The following PDE3A variants were observed in gnomAD, a reference collection of about 807,000 sequenced individuals.
PDE3A encodes phosphodiesterase 3A.
In PDE3A, 43 loss-of-function variants were observed where a neutral mutation model predicts 98.3. That is an observed-to-expected ratio of 0.44 (90% CI 0.34 to 0.56). PDE3A has a LOEUF of 0.56. PDE3A is among the 20% of genes least tolerant of loss of function. The pLI is 0.01. For missense variants in PDE3A, 1,427 were observed against 1,440.7 expected, an observed-to-expected ratio of 0.99 and a Z score of 0.15; for synonymous variants, 663 against 567.9, an observed-to-expected ratio of 1.17 and a Z score of -2.38.
intron 1 of PDE3A, among the ~76,000 whole-genome samples, chr12:20,454,872 T>C (rs1054362914): frequency 2.5e-4 from 38 of 152,212 alleles, no homozygotes; most frequent in African/African-American, 9.6e-5. Context: ...CAGTCTACCA[T>C]TGATGGGCAT....
At chr12:20,673,099 A>T (rs1367076658) in intron 15 of PDE3A, among the ~76,000 whole-genome samples, 3 of 151,978 alleles carry the variant, frequency 2.0e-5, no homozygotes, top group African/African-American at 4.8e-5. Flanking sequence ...ACATGAAAAA[A>T]TGCTCATCAT....
At chr12:20,376,978 T>C (rs1300957619) in intron 1 of PDE3A, among the ~76,000 whole-genome samples, 2 of 151,830 alleles carry the variant, frequency 1.3e-5, no homozygotes, top group Non-Finnish European at 2.9e-5. Context: ...CCTGCTAACA[T>C]AATAATAATA....
At chr12:20,567,279 T>C (rs1019181902) in intron 2 of PDE3A, among the ~76,000 whole-genome samples, 6 of 152,020 alleles carry the variant, frequency 3.9e-5, no homozygotes, top group African/African-American at 1.4e-4. Context: ...GGAAATCTGT[T>C]AATCCATAAT....
intron 2 of PDE3A, among the ~76,000 whole-genome samples, chr12:20,558,771 A>T (rs1052938601): frequency 6.6e-6 from 1 of 151,924 alleles, no homozygotes; most frequent in South Asian, 2.1e-4. Flanking sequence ...TATTGCTATT[A>T]TCTCCTTGGT....
intron 1 of PDE3A, among the ~76,000 whole-genome samples, chr12:20,383,151 A>G (rs537679392): frequency 6.6e-6 from 1 of 151,892 alleles, no homozygotes; most frequent in African/African-American, 2.4e-5. Flanking sequence ...CGTAAAAATG[A>G]TGCTTTTGAG....
At chr12:20,561,534 GA>G (rs1372255627) in intron 2 of PDE3A, among the ~76,000 whole-genome samples, 1 of 152,134 alleles carries the variant, frequency 6.6e-6, no homozygotes, top group Non-Finnish European at 1.5e-5. Flanking sequence ...ATTTTACTTT[GA>G]TTCGCAAAAC....
Position 20,369,316 on chromosome 12 carries a change from G to A in PDE3A, c.32G>A (p.Arg11Lys). Residue 11 changes from arginine to lysine, a missense_variant, in exon 1 of 16, where the codon AGG becomes AAG. Coordinates refer to ENST00000359062, the MANE Select transcript of PDE3A (RefSeq NM_000921.5). ...GTGCCCGGCGACGCTGCACGAGTCA[G>A]GGACAAGCCCGTCCACAGTGGGGTG... The part of the protein sequence containing the change: MAVPGDAARV[R>K]DKPVHSGVSQ... The A allele has an allele frequency of 6.5e-7, 1 of 1,543,472 alleles. No individual in the cohort carries two copies. Among genetic ancestry groups the A allele is most frequent in the Non-Finnish European group, 8.7e-7 (1 of 1,143,114 alleles).
chr12:20,377,376 T>TA (rs897232336), intron 1 of PDE3A, among the ~76,000 whole-genome samples: 4 of 151,630 alleles, frequency 2.6e-5, no homozygotes, highest in African/African-American at 4.8e-5. Flanking sequence ...GTAATCGGTG[T>TA]AAAAAAAATG....
rs370725569 is a variant in PDE3A at position 20,391,368 on chromosome 12, C to CATAT, written c.960+21142_960+21145dup. ...TACATATATATAACATATATATTCT[C>CATAT]ATATATATATATATATATATACACA... On this transcript the variant is annotated intron_variant, in intron 1 of 15. Coordinates refer to ENST00000359062, the MANE Select transcript of PDE3A (RefSeq NM_000921.5). 4.7e-3 allele frequency among the ~76,000 whole-genome samples: 675 copies of CATAT among 142,432 alleles called. 3 individuals carry two copies. Among genetic ancestry groups the CATAT allele is most frequent in the Admixed American group, 6.2e-3 (88 of 14,098 alleles). 93.4% of individuals were successfully genotyped at this position (142,432 alleles called of 152,430 possible).
In PDE3A at chr12:20,399,383, G is replaced by A. The variant is rs530883934; in HGVS notation, c.960+29139G>A. Among the ~76,000 whole-genome samples the A allele has an allele frequency of 3.2e-4, 48 of 152,208 alleles. 1 individual carries two copies. The highest frequency in any genetic ancestry group is 1.1e-3 in the African/African-American group (47 of 41,550). On this transcript the variant is annotated intron_variant, in intron 1 of 15. Coordinates refer to ENST00000359062, the MANE Select transcript of PDE3A (RefSeq NM_000921.5). ...GACAAAGGAGCTGCAGCAAATGTGG[G>A]TGGTTTTACTGCATTTTAAAAACTA...
chr12:20,481,764 A>ATTTTT lies in PDE3A; in HGVS notation c.961-74878_961-74874dup, dbSNP rs10657239. On this transcript the variant is annotated intron_variant, in intron 1 of 15. Transcript: ENST00000359062. The stretch of plus-strand genomic sequence containing the variant: ...TCCATGTAAGTGACTTGGGAAATAG[A>ATTTTT]TTTTTTTTTTTTTTTTTTTTTTGAG... Among the ~76,000 whole-genome samples the ATTTTT allele has an allele frequency of 5.1e-3, 407 of 79,560 alleles. 20 individuals are homozygous for ATTTTT. Among genetic ancestry groups the ATTTTT allele is most frequent in the East Asian group, 0.018 (44 of 2,440 alleles). The allele number at this position is 79,560 out of a possible 152,430, so 52.2% of individuals were successfully genotyped here. A position where few individuals can be genotyped will look rare whatever the true frequency, so the allele number is the denominator to read the frequency against.
At chr12:20,418,774 T>C (rs2120744095) in intron 1 of PDE3A, among the ~76,000 whole-genome samples, 2 of 152,322 alleles carry the variant, frequency 1.3e-5, no homozygotes, top group South Asian at 4.1e-4. Context: ...CTTTTTTTAA[T>C]GCTTTTACAT....
intron 14 of PDE3A, among the ~76,000 whole-genome samples, chr12:20,651,299 C>T (rs1944909920): frequency 6.6e-6 from 1 of 152,088 alleles, no homozygotes; most frequent in African/African-American, 2.4e-5. Context: ...CACTGTGAAC[C>T]ACTCTTAAAA....
chr12:20,462,490 AAAC>A (rs1945267783), intron 1 of PDE3A, among the ~76,000 whole-genome samples: 3 of 152,110 alleles, frequency 2.0e-5, no homozygotes, highest in African/African-American at 7.2e-5. Flanking sequence ...ACTTCATCTA[AAAC>A]AACAACAACA....
At chr12:20,620,770 TA>T (rs1226041746) in intron 4 of PDE3A, among the ~76,000 whole-genome samples, 1 of 151,624 alleles carries the variant, frequency 6.6e-6, no homozygotes, top group Non-Finnish European at 1.5e-5. Flanking sequence ...AATTCCCTTG[TA>T]AAAAGGTAAT....
Position 20,623,139 on chromosome 12 carries a change from T to A in PDE3A, c.1540+1728T>A, listed in dbSNP as rs528707563. Among the ~76,000 whole-genome samples, 6 of 152,158 alleles carry A rather than the reference T, an allele frequency of 3.9e-5. No homozygotes were observed. The East Asian group carries it at 1.2e-3, about 29-fold the overall frequency. On this transcript the variant is annotated intron_variant, in intron 5 of 15. Transcript: ENST00000359062. ...TAGTAGACTACTGAAGAAAGAATTATTAAACTGGGTAGAGAAAGATCGGAA... is the reference window on the plus strand; with the variant it reads ...TAGTAGACTACTGAAGAAAGAATTAATAAACTGGGTAGAGAAAGATCGGAA...
At chr12:20,655,290 G>A (rs1368763769) in intron 15 of PDE3A, among the ~76,000 whole-genome samples, 1 of 152,296 alleles carries the variant, frequency 6.6e-6, no homozygotes, top group African/African-American at 2.4e-5. Context: ...AGACCTGCAA[G>A]AAGCAAGGGA....
At chr12:20,627,404 C>A (rs935914887) in intron 5 of PDE3A, among the ~76,000 whole-genome samples, 6 of 143,068 alleles carry the variant, frequency 4.2e-5, no homozygotes, top group African/African-American at 1.6e-4. Context: ...TGACCACGTT[C>A]CCTGCCCCTC....
At chr12:20,416,577 G>A (rs5014035) in intron 1 of PDE3A, among the ~76,000 whole-genome samples, 94,092 of 152,072 alleles carry the variant, frequency 0.62, 30,851 homozygotes, top group East Asian at 0.88. Context: ...TCCAAATTTA[G>A]GCATACTTCA....
Sources: gnomAD v4.1 joint callset for allele counts (sites outside exome capture counted in the v4.1 genomes callset) on GRCh38, gnomAD v4.1.1 for gene constraint, MANE v1.5 for transcripts, NCBI Gene and HGNC (gene_info 2026-07-23, HGNC 2026-07-21) for gene names.